The following CCDC170 variants were observed in gnomAD, a reference collection of about 807,000 sequenced individuals.
The protein encoded by CCDC170 is coiled-coil domain containing 170.
Under a neutral mutation model 72.6 loss-of-function variants are expected in CCDC170, and 69 were observed. The ratio of observed to expected loss-of-function variants is 0.95; its 90% CI spans 0.78 to 1.16. The LOEUF (loss-of-function observed/expected upper bound fraction) is 1.16. Among genes scored for constraint, CCDC170 ranks in the 50% most tolerant of loss-of-function variants. The pLI, the probability that CCDC170 is intolerant of heterozygous loss-of-function variation, is 0.00. For synonymous variants in CCDC170, 300 were observed against 303.9 expected (o/e 0.99, Z 0.13); for missense variants, 852 against 832.5 (o/e 1.02, Z -0.29).
At chr6:151,540,554 A>G (rs926524961) in intron 3 of CCDC170, among the ~76,000 whole-genome samples, 2 of 150,714 alleles carry the variant, frequency 1.3e-5, no homozygotes, top group African/African-American at 4.9e-5. Flanking sequence ...CCCAGTTAAT[A>G]TTTTGTATTT....
At chr6:151,526,132 C>T (rs886309343) in intron 1 of CCDC170, among the ~76,000 whole-genome samples, 1 of 150,408 alleles carries the variant, frequency 6.6e-6, no homozygotes, top group African/African-American at 2.4e-5. Context: ...TCCTTCCTTC[C>T]TTCCCTCCCT....
At chr6:151,526,511 C>T (rs907777956) in intron 1 of CCDC170, among the ~76,000 whole-genome samples, 6 of 147,114 alleles carry the variant, frequency 4.1e-5, no homozygotes, top group Non-Finnish European at 1.5e-5. Flanking sequence ...TGAGCCACCC[C>T]GCCTGGCCTT....
chr6:151,521,845 G>T (rs1336546554), intron 1 of CCDC170, among the ~76,000 whole-genome samples: 1 of 152,070 alleles, frequency 6.6e-6, no homozygotes, highest in Admixed American at 6.6e-5. Flanking sequence ...AATTAGCTGG[G>T]CGTGGTGGCA....
chr6:151,560,955 G>A (rs1467375789), intron 5 of CCDC170, among the ~76,000 whole-genome samples: 2 of 151,842 alleles, frequency 1.3e-5, no homozygotes, highest in African/African-American at 4.8e-5. Context: ...GGCCATTTAT[G>A]GTCAAAGTTA....
intron 1 of CCDC170, among the ~76,000 whole-genome samples, chr6:151,504,374 C>T (rs1316803898): frequency 4.0e-5 from 6 of 151,820 alleles, no homozygotes; most frequent in Non-Finnish European, 1.5e-5. Flanking sequence ...AACTATGGAG[C>T]TTACTTACAG....
intron 1 of CCDC170, among the ~76,000 whole-genome samples, chr6:151,514,121 G>A (rs948064680): frequency 2.6e-5 from 4 of 151,374 alleles, no homozygotes; most frequent in African/African-American, 7.3e-5. Context: ...GGACAACATG[G>A]TGAAACTCCA....
intron 6 of CCDC170, among the ~76,000 whole-genome samples, chr6:151,578,284 TCA>T (rs1776332053): frequency 6.6e-6 from 1 of 152,160 alleles, no homozygotes; most frequent in Non-Finnish European, 1.5e-5. Flanking sequence ...AGTTCTTGCC[TCA>T]CAGTTCTGGA....
chr6:151,592,360 A>AAAAT (rs918827008), intron 7 of CCDC170, among the ~76,000 whole-genome samples: 6 of 152,192 alleles, frequency 3.9e-5, no homozygotes, highest in Admixed American at 2.6e-4. Context: ...ACTCTGTCTC[A>AAAAT]AAATAAATAA....
chr6:151,560,362 A>C (rs2115072404), intron 5 of CCDC170, among the ~76,000 whole-genome samples: 1 of 152,180 alleles, frequency 6.6e-6, no homozygotes, highest in Non-Finnish European at 1.5e-5. Flanking sequence ...ATTTATTGAG[A>C]CTTGCTTTAT....
In CCDC170 at chr6:151,509,862, C is replaced by T. The variant is rs1330290293; in HGVS notation, c.57+15677C>T. Among the ~76,000 whole-genome samples the T allele has an allele frequency of 4.6e-5, 7 of 152,152 alleles. No individual in the cohort carries two copies. The East Asian group carries it at 5.8e-4, about 13-fold the overall frequency. ...GTAAGAGGCCAGGCGTGGTGGCTCA[C>T]GCCTGTAATCCCAGCACTTTGGGAG... On this transcript the variant is annotated intron_variant, in intron 1 of 10. Coordinates refer to ENST00000239374, the MANE Select transcript of CCDC170 (RefSeq NM_025059.4).
In CCDC170 at chr6:151,620,592, C is replaced by T. The variant is rs1173470467; in HGVS notation, c.*2445C>T. 1.3e-5 allele frequency: 2 copies of T among 152,104 alleles called. No individual in the cohort carries two copies. The highest frequency in any genetic ancestry group is 6.6e-5 in the Admixed American group (1 of 15,258). The allele number at this position is 152,104 out of a possible 1,614,324, so 9.4% of individuals were successfully genotyped here. ...ACTTCACTGGGTCTCTGGAGGCTCT[C>T]GGAGCTTGAGTGGCTCTGCCCCACC... On this transcript the variant is annotated 3_prime_UTR_variant, in exon 11 of 11. Coordinates refer to ENST00000239374, the MANE Select transcript of CCDC170 (RefSeq NM_025059.4).
At chr6:151,536,279 C>T in intron 1 of CCDC170, 39 bp from the exon 2 acceptor site, 1 of 1,606,464 alleles carries the variant, frequency 6.2e-7, no homozygotes, top group Non-Finnish European at 8.5e-7. Context: ...TCGTTTAACA[C>T]TCTTCTTTAT....
intron 9 of CCDC170, 26 bp from the exon 10 acceptor site, chr6:151,615,417 T>C (rs200803607): frequency 1.4e-5 from 21 of 1,495,472 alleles, no homozygotes; most frequent in Non-Finnish European, 2.0e-5. Context: ...ACAAAAGGAG[T>C]TATCAGCATT....
rs549277182 is a variant in CCDC170 at position 151,519,999 on chromosome 6, C to T, written c.58-16319C>T. Among the ~76,000 whole-genome samples, 29 of 152,304 alleles carry T rather than the reference C, an allele frequency of 1.9e-4. No homozygotes were observed. In the South Asian group the frequency reaches 6.0e-3, roughly 32 times the overall value. On this transcript the variant is annotated intron_variant, in intron 1 of 10. Transcript: ENST00000239374. ...CTTTGTGACTATACTTTATGATCTC[C>T]TATCTCATCCTGTGATAAAGAATGC... is the stretch of plus-strand genomic sequence containing the variant.
intron 3 of CCDC170, among the ~76,000 whole-genome samples, chr6:151,538,617 G>A (rs952930322): frequency 6.6e-6 from 1 of 152,184 alleles, no homozygotes; most frequent in African/African-American, 2.4e-5. Flanking sequence ...AGCTTGTGGG[G>A]TAGTACACAG....
chr6:151,504,755 G>A (rs1782042149), intron 1 of CCDC170, among the ~76,000 whole-genome samples: 1 of 151,874 alleles, frequency 6.6e-6, no homozygotes, highest in South Asian at 2.1e-4. Context: ...GGAAATGTCA[G>A]TCTCTAGTTA....
chr6:151,571,321 A>AT (rs11428711), intron 5 of CCDC170, among the ~76,000 whole-genome samples: 121,255 of 149,504 alleles, frequency 0.81, 49,313 homozygotes, highest in East Asian at 0.92. Flanking sequence ...ATTTTTAATA[A>AT]TTTTTTTTTT....
chr6:151,588,325 A>C (rs998977542), intron 7 of CCDC170, among the ~76,000 whole-genome samples: 1 of 152,122 alleles, frequency 6.6e-6, no homozygotes, highest in Non-Finnish European at 1.5e-5. Flanking sequence ...ACAACAACAA[A>C]AACACACACA....
intron 1 of CCDC170, among the ~76,000 whole-genome samples, chr6:151,495,118 A>T (rs1781891021): frequency 6.6e-6 from 1 of 152,194 alleles, no homozygotes; most frequent in South Asian, 2.1e-4. Context: ...CATGAGTTGG[A>T]TTCTCCAACG....
Sources: gnomAD v4.1 joint callset for allele counts (sites outside exome capture counted in the v4.1 genomes callset) on GRCh38, gnomAD v4.1.1 for gene constraint, MANE v1.5 for transcripts, NCBI Gene and HGNC (gene_info 2026-07-23, HGNC 2026-07-21) for gene names.